SLC67A1: variants seen among roughly 807,000 people sequenced by gnomAD.
SLC67A1 encodes solute carrier family 67 member 1.
At chr11:2,907,142 G>A in the SLC67A1 span, among the ~76,000 whole-genome samples, 4 of 151,562 alleles carry the variant, frequency 2.6e-5, no homozygotes, top group South Asian at 2.1e-4. The surrounding 1 kb of genome is among the most constrained non-coding windows in gnomAD (Gnocchi z 6.7). Context: ...GGGAGAATTC[G>A]TGTGGACCAA....
At chr11:2,904,474 G>A in the SLC67A1 span, among the ~76,000 whole-genome samples, 6 of 152,348 alleles carry the variant, frequency 3.9e-5, no homozygotes, top group East Asian at 9.6e-4. Flanking sequence ...GGGAAGGCTG[G>A]GCAGGAGCCT....
chr11:2,919,428 T>C, the SLC67A1 span: 2 of 1,573,366 alleles, frequency 1.3e-6, no homozygotes, highest in Non-Finnish European at 1.7e-6. Flanking sequence ...ACACAGGGCC[T>C]GCTGGGGGGC....
the SLC67A1 span, chr11:2,920,552 C>A: frequency 1.3e-5 from 2 of 152,392 alleles, no homozygotes; most frequent in East Asian, 1.9e-4. Flanking sequence ...TGGTGACCAA[C>A]ACCGTCGGGG....
the SLC67A1 span, among the ~76,000 whole-genome samples, chr11:2,905,990 G>A: frequency 3.9e-5 from 6 of 152,298 alleles, no homozygotes; most frequent in East Asian, 5.8e-4. Flanking sequence ...GGGATGTGAC[G>A]CAGGCAGGGA....
the SLC67A1 span, chr11:2,916,749 CGCCAGGTACACCCT>C: frequency 6.2e-7 from 1 of 1,608,450 alleles, no homozygotes; most frequent in Non-Finnish European, 8.5e-7. Flanking sequence ...AGGTAAGCCC[CGCCAGGTACACCCT>C]GCCCAGATGC....
the SLC67A1 span, chr11:2,903,123 G>A: frequency 2.7e-6 from 3 of 1,119,796 alleles, no homozygotes; most frequent in Non-Finnish European, 3.5e-6. Flanking sequence ...CAAAAGTGGA[G>A]GAGGGGGACC....
the SLC67A1 span, chr11:2,916,726 A>G: frequency 6.2e-7 from 1 of 1,612,942 alleles, no homozygotes; most frequent in Non-Finnish European, 8.5e-7. Flanking sequence ...ACTGACGCCC[A>G]GGCTCCACTG....
chr11:2,922,541 T>C, the SLC67A1 span: 1,888 of 1,611,712 alleles, frequency 1.2e-3, 24 homozygotes, highest in African/African-American at 0.022. Context: ...CAAGGCTGTC[T>C]CCACCTCGGA....
chr11:2,923,227 C>T, the SLC67A1 span, among the ~76,000 whole-genome samples: 1 of 152,190 alleles, frequency 6.6e-6, no homozygotes, highest in Admixed American at 6.5e-5. This position sits in a 1 kb window ranked among gnomAD's most constrained non-coding sequence, Gnocchi z 6.5. Flanking sequence ...CTCAGGAGTC[C>T]TTTGGAGTAC....
the SLC67A1 span, chr11:2,919,330 A>G: frequency 1.9e-6 from 3 of 1,613,832 alleles, no homozygotes; most frequent in African/African-American, 2.7e-5. Context: ...CATGTTCTCC[A>G]TCATCTCCAT....
chr11:2,922,367 G>A, the SLC67A1 span: 1 of 1,581,132 alleles, frequency 6.3e-7, no homozygotes, highest in Non-Finnish European at 8.6e-7. Flanking sequence ...GGAGGGACAG[G>A]TAAGACCCCA....
chr11:2,920,595 C>T, the SLC67A1 span: 1 of 152,356 alleles, frequency 6.6e-6, no homozygotes, highest in African/African-American at 2.4e-5. Context: ...GGTGAACTGC[C>T]CAGGGACGGG....
chr11:2,903,738 C>T, the SLC67A1 span: 1 of 561,270 alleles, frequency 1.8e-6, no homozygotes, highest in African/African-American at 1.9e-5. Context: ...ACCCCACTTC[C>T]CTCCTGGGGG....
chr11:2,909,217 G>A, the SLC67A1 span: 11 of 1,537,826 alleles, frequency 7.2e-6, no homozygotes, highest in African/African-American at 1.2e-4. Flanking sequence ...AGCGCGGGGC[G>A]CGGGCGGCGC....
the SLC67A1 span, chr11:2,903,361 G>A: frequency 0.18 from 286,941 of 1,612,492 alleles, 27,823 homozygotes; most frequent in African/African-American, 0.27. Flanking sequence ...GGGAGCTCGG[G>A]CTCCCAGGGA....
the SLC67A1 span, chr11:2,914,837 A>G: frequency 1.0e-6 from 1 of 985,308 alleles, no homozygotes; most frequent in Non-Finnish European, 1.2e-6. Context: ...GTCCCAAAGA[A>G]AGGGCCCGTC....
chr11:2,925,245 G>A, the SLC67A1 span: 86 of 1,554,892 alleles, frequency 5.5e-5, no homozygotes, highest in South Asian at 6.5e-4. This position sits in a 1 kb window ranked among gnomAD's most constrained non-coding sequence, Gnocchi z 6.5. Context: ...AAATCCCTCC[G>A]ACCTCTTCCG....
At chr11:2,909,456 G>T in the SLC67A1 span, 1 of 1,432,072 alleles carries the variant, frequency 7.0e-7, no homozygotes, top group Non-Finnish European at 9.1e-7. Flanking sequence ...CGCGGGGTCT[G>T]GCCCTAAGGG....
At chr11:2,902,812 CACAGGGGAAGGTAG>C in the SLC67A1 span, 1 of 905,104 alleles carries the variant, frequency 1.1e-6, no homozygotes, top group African/African-American at 1.8e-5. Flanking sequence ...GGCTGCTGGC[CACAGGGGAAGGTAG>C]ACCTTCCCTG....
Sources: allele counts gnomAD v4.1 joint callset (sites outside exome capture counted in the v4.1 genomes callset), GRCh38; gene constraint gnomAD v4.1.1; non-coding constraint Gnocchi (gnomAD v3.1); transcripts MANE v1.5; gene names NCBI Gene and HGNC (gene_info 2026-07-23, HGNC 2026-07-21).